The following AP2M1 variants were observed in gnomAD, a reference collection of about 807,000 sequenced individuals.
AP2M1 encodes the protein adaptor related protein complex 2 subunit mu 1, also known as AP-2 complex subunit mu.
In AP2M1, 5 loss-of-function variants were observed where a neutral mutation model predicts 54.5. The observed-to-expected ratio is 0.09, with a 90% confidence interval of 0.05 to 0.19. AP2M1 has a LOEUF of 0.19. Among genes scored for constraint, AP2M1 ranks in the 10% least tolerant of loss-of-function variants. The pLI is 1.00. For missense variants in AP2M1, 178 were observed against 580.2 expected, an observed-to-expected ratio of 0.31 and a Z score of 7.12; for synonymous variants, 186 against 208.2, an observed-to-expected ratio of 0.89 and a Z score of 0.92.
In AP2M1 at chr3:184,180,324, G is replaced by A; in HGVS notation, c.423+73G>A. Reference sequence around the variant, plus strand: ...TCATCTCAGCTGGCCCCTGAGCCTTGTCTGAGCTGACTCATGAGCCCTCCC... The same window carrying A: ...TCATCTCAGCTGGCCCCTGAGCCTTATCTGAGCTGACTCATGAGCCCTCCC... On this transcript the variant is annotated intron_variant, in intron 4 of 11. Transcript: ENST00000292807. This position sits in a 1 kb window ranked among gnomAD's most constrained non-coding sequence, Gnocchi z 4.9. 1 of 1,539,180 alleles carries A rather than the reference G, an allele frequency of 6.5e-7. No individual in the cohort carries two copies. Among genetic ancestry groups the A allele is most frequent in the African/African-American group, 1.4e-5 (1 of 73,532 alleles).
chr3:184,175,404 T>C (rs1010562142), intron 1 of AP2M1, among the ~76,000 whole-genome samples: 14 of 152,158 alleles, frequency 9.2e-5, no homozygotes, highest in African/African-American at 3.4e-4. Context: ...GCGGCTCTTC[T>C]TCCTTAGACC....
chr3:184,175,659 TCAC>T, intron 1 of AP2M1, among the ~76,000 whole-genome samples: 1 of 152,238 alleles, frequency 6.6e-6, no homozygotes, highest in South Asian at 2.1e-4. Context: ...TGCTGTGGGC[TCAC>T]CTGAGGACGC....
chr3:184,180,442 A>G lies in AP2M1; in HGVS notation c.423+191A>G, dbSNP rs376381673. The G allele has an allele frequency of 1.3e-4, 140 of 1,049,682 alleles. 1 individual carries two copies. In the African/African-American group the frequency reaches 1.4e-3, roughly 10 times the overall value. The allele number at this position is 1,049,682 out of a possible 1,614,324, so 65.0% of individuals were successfully genotyped here. A position where few individuals can be genotyped will look rare whatever the true frequency, so the allele number is the denominator to read the frequency against. On this transcript the variant is annotated intron_variant, in intron 4 of 11. Transcript: ENST00000292807. This position sits in a 1 kb window ranked among gnomAD's most constrained non-coding sequence, Gnocchi z 4.9. ...CCACTGCAGGAGCAGCCAATTCAGC[A>G]TCTCTATTACCAGGAATACAGCTCA...
At chr3:184,179,799 C>A (rs1361368697) in intron 3 of AP2M1, among the ~76,000 whole-genome samples, 3 of 151,878 alleles carry the variant, frequency 2.0e-5, no homozygotes, top group Non-Finnish European at 2.9e-5. Flanking sequence ...TAGCTGGGAC[C>A]ATAGGCACAT....
intron 3 of AP2M1, among the ~76,000 whole-genome samples, chr3:184,179,537 G>A (rs1715200128): frequency 6.6e-6 from 1 of 152,090 alleles, no homozygotes; most frequent in Non-Finnish European, 1.5e-5. Context: ...CTGTTCCTCT[G>A]TAGAGTGTGA....
intron 1 of AP2M1, 170 bp downstream of exon 1, chr3:184,175,129 G>A (rs1715020379): frequency 5.1e-6 from 2 of 395,782 alleles, no homozygotes; most frequent in East Asian, 7.2e-5. Flanking sequence ...GGGGCGCCCG[G>A]GGCGCGATTG....
intron 3 of AP2M1, among the ~76,000 whole-genome samples, chr3:184,179,559 G>T (rs1715200905): frequency 6.6e-6 from 1 of 152,110 alleles, no homozygotes; most frequent in African/African-American, 2.4e-5. Context: ...CTAAGAGAAG[G>T]TGAATACTTC....
chr3:184,178,996 A>C lies in AP2M1; in HGVS notation c.214A>C (p.Asn72His). ...TTGGCTGGCAGCAGTCACCAAGCAGAATGTCAACGCTGCCATGGTCTTCGA... is the reference window on the plus strand; with the variant it reads ...TTGGCTGGCAGCAGTCACCAAGCAGCATGTCAACGCTGCCATGGTCTTCGA... ...NIWLAAVTKQ[N>H]VNAAMVFEFL... Residue 72 changes from asparagine (N) to histidine (H), a missense_variant, in exon 3 of 12, where the codon AAT becomes CAT. Around this residue, in one of 5 missense-constraint regions of AP2M1, gnomAD observed 115 missense variants for 331.2 expected, o/e 0.35. Transcript: ENST00000292807. This position sits in a 1 kb window ranked among gnomAD's most constrained non-coding sequence, Gnocchi z 4.9. 6.2e-7 allele frequency: 1 copy of C among 1,614,138 alleles called. No individual in the cohort carries two copies. Among genetic ancestry groups the C allele is most frequent in the Non-Finnish European group, 8.5e-7 (1 of 1,180,020 alleles).
chr3:184,181,515 C>A lies in AP2M1; in HGVS notation c.708-181C>A, dbSNP rs1011063240. On this transcript the variant is annotated intron_variant, in intron 7 of 11. Coordinates refer to ENST00000292807, the MANE Select transcript of AP2M1 (RefSeq NM_004068.4). The surrounding 1 kb of genome is among the most constrained non-coding windows in gnomAD (Gnocchi z 5.7). Reference sequence around the variant, plus strand: ...CCCAGGTCCCTAGCAGAAGGAGCCCCAAGAGATGAGCTTGCAAGGCTTCCC... The same window carrying A: ...CCCAGGTCCCTAGCAGAAGGAGCCCAAAGAGATGAGCTTGCAAGGCTTCCC... The A allele has an allele frequency of 3.2e-6, 3 of 924,422 alleles. No individual in the cohort carries two copies. Among genetic ancestry groups the A allele is most frequent in the Non-Finnish European group, 4.8e-6 (3 of 626,176 alleles). 57.3% of individuals were successfully genotyped at this position (924,422 alleles called of 1,614,324 possible). A position where few individuals can be genotyped will look rare whatever the true frequency, so the allele number is the denominator to read the frequency against.
Position 184,175,636 on chromosome 3 carries a change from C to T in AP2M1, c.-44+677C>T, listed in dbSNP as rs564637105. ...ACCCTTACCTTTACGTTCACTCCAC[C>T]AGCCCAGTTTGCTGCTGTGGGCTCA... On this transcript the variant is annotated intron_variant, in intron 1 of 11. Coordinates refer to ENST00000292807, the MANE Select transcript of AP2M1 (RefSeq NM_004068.4). Among the ~76,000 whole-genome samples the T allele has an allele frequency of 2.6e-5, 4 of 152,296 alleles. No individual in the cohort carries two copies. The East Asian group carries it at 5.8e-4, about 22-fold the overall frequency.
In AP2M1 at chr3:184,183,826, C is replaced by T; in HGVS notation, c.*210C>T. On this transcript the variant is annotated 3_prime_UTR_variant, in exon 12 of 12. Coordinates refer to ENST00000292807, the MANE Select transcript of AP2M1 (RefSeq NM_004068.4). The surrounding 1 kb of genome is among the most constrained non-coding windows in gnomAD (Gnocchi z 5.7). ...CCCTGGGCAGGGGAGTTCTGAGGCTCCTGCTCTCCCATCCACCTGTCTGTC... is the reference window on the plus strand; with the variant it reads ...CCCTGGGCAGGGGAGTTCTGAGGCTTCTGCTCTCCCATCCACCTGTCTGTC... 3.6e-6 allele frequency: 2 copies of T among 557,506 alleles called. No individual in the cohort carries two copies. Among genetic ancestry groups the T allele is most frequent in the East Asian group, 3.2e-5 (1 of 31,358 alleles). 34.5% of individuals were successfully genotyped at this position (557,506 alleles called of 1,614,324 possible). A position where few individuals can be genotyped will look rare whatever the true frequency, so the allele number is the denominator to read the frequency against.
At position 184,180,342 on chromosome 3, in the gene AP2M1, G is replaced by A; in HGVS notation, c.423+91G>A. On this transcript the variant is annotated intron_variant, in intron 4 of 11. Coordinates refer to ENST00000292807, the MANE Select transcript of AP2M1 (RefSeq NM_004068.4). The surrounding 1 kb of genome is among the most constrained non-coding windows in gnomAD (Gnocchi z 4.9). ...GAGCCTTGTCTGAGCTGACTCATGAGCCCTCCCATGACAGGAAGTGCTGGC... is the reference window on the plus strand; with the variant it reads ...GAGCCTTGTCTGAGCTGACTCATGAACCCTCCCATGACAGGAAGTGCTGGC... 6.9e-7 allele frequency: 1 copy of A among 1,458,588 alleles called. No homozygotes were observed. The highest frequency in any genetic ancestry group is 9.4e-7 in the Non-Finnish European group (1 of 1,061,294). 90.4% of individuals were successfully genotyped at this position (1,458,588 alleles called of 1,614,324 possible).
intron 2 of AP2M1, chr3:184,177,396 C>G (rs763689526): frequency 1.5e-5 from 10 of 686,420 alleles, no homozygotes; most frequent in Admixed American, 2.7e-5. Context: ...GGAGAAATGT[C>G]TCCAGTGGGT....
In AP2M1 at chr3:184,180,112, T is replaced by G; in HGVS notation, c.341-57T>G. 1 of 1,567,772 alleles carries G rather than the reference T, an allele frequency of 6.4e-7. No individual in the cohort carries two copies. Among genetic ancestry groups the G allele is most frequent in the Non-Finnish European group, 8.8e-7 (1 of 1,139,740 alleles). On this transcript the variant is annotated intron_variant, in intron 3 of 11. Transcript: ENST00000292807. This position sits in a 1 kb window ranked among gnomAD's most constrained non-coding sequence, Gnocchi z 4.9. ...TGCCGGTCAGATGTGTAGGCCCAAG[T>G]AGGGGCTGGAATGAAGAAGCTCTGT...
At chr3:184,177,652 C>G in intron 2 of AP2M1, 5 of 1,509,018 alleles carry the variant, frequency 3.3e-6, no homozygotes, top group Non-Finnish European at 4.5e-6. Context: ...GCAGGGAAGC[C>G]ATGCTACCCT....
chr3:184,179,783 C>T (rs544476527), intron 3 of AP2M1, among the ~76,000 whole-genome samples: 76 of 151,916 alleles, frequency 5.0e-4, no homozygotes, highest in African/African-American at 1.7e-3. Flanking sequence ...GCCTTAGCCT[C>T]CTGAGTAGCT....
At chr3:184,177,597 G>C in intron 2 of AP2M1, 1 of 1,536,022 alleles carries the variant, frequency 6.5e-7, no homozygotes, top group Non-Finnish European at 8.7e-7. Context: ...CATTCCCTGG[G>C]GAGTGGCTGG....
Position 184,178,346 on chromosome 3 carries a change from A to G in AP2M1, c.75-511A>G. Reference sequence around the variant, plus strand: ...AGTTGGATCCTGGGCAAGAATGGGTAGCACAATTCCATGGCCCCTTGGTAC... The same window carrying G: ...AGTTGGATCCTGGGCAAGAATGGGTGGCACAATTCCATGGCCCCTTGGTAC... On this transcript the variant is annotated intron_variant, in intron 2 of 11. Transcript: ENST00000292807. This position sits in a 1 kb window ranked among gnomAD's most constrained non-coding sequence, Gnocchi z 4.9. The G allele has an allele frequency of 7.9e-7, 1 of 1,264,840 alleles. No homozygotes were observed. 78.4% of individuals were successfully genotyped at this position (1,264,840 alleles called of 1,614,324 possible).
At chr3:184,176,797 G>A in intron 1 of AP2M1, 154 bp from the exon 2 acceptor site, 1 of 545,578 alleles carries the variant, frequency 1.8e-6, no homozygotes, top group South Asian at 2.5e-5. Flanking sequence ...AGGAACTGGA[G>A]CCTGGCTGAG....
Sources: allele counts gnomAD v4.1 joint callset (sites outside exome capture counted in the v4.1 genomes callset), GRCh38; gene constraint gnomAD v4.1.1; regional missense constraint gnomAD v4.1.1; non-coding constraint Gnocchi (gnomAD v3.1); transcripts MANE v1.5; gene names NCBI Gene and HGNC (gene_info 2026-07-23, HGNC 2026-07-21).